The following HS3ST1 variants were observed in gnomAD, a reference collection of about 807,000 sequenced individuals.
HS3ST1 encodes heparan sulfate glucosamine 3-O-sulfotransferase 1.
HS3ST1 carries 8 observed loss-of-function variants against 20.7 expected under a neutral mutation model. The observed-to-expected ratio is 0.39, with a 90% CI of 0.23 to 0.70. The LOEUF is 0.70. HS3ST1 is among the 30% of genes least tolerant of loss of function. HS3ST1 has a pLI of 0.46. For missense variants in HS3ST1, 436 were observed against 423.4 expected (o/e 1.03, Z -0.26); for synonymous variants, 205 against 190.4 (o/e 1.08, Z -0.63).
At chr4:11,404,311 A>G (rs535056237) in intron 1 of HS3ST1, among the ~76,000 whole-genome samples, 106 of 152,298 alleles carry the variant, frequency 7.0e-4, no homozygotes, top group African/African-American at 2.5e-3. Flanking sequence ...CGGTCTCCCA[A>G]AGTGCTTGGA....
chr4:11,429,904 A>G (rs1362787143), upstream of HS3ST1: 3 of 151,938 alleles, frequency 2.0e-5, no homozygotes. Flanking sequence ...CAGGTCAGCA[A>G]TCATACCCCG....
upstream of HS3ST1, among the ~76,000 whole-genome samples, chr4:11,432,782 G>A (rs894603495): frequency 2.0e-5 from 3 of 152,280 alleles, no homozygotes; most frequent in East Asian, 1.9e-4. Context: ...AGAGCAGTCC[G>A]CTAGTGAGAG....
At chr4:11,427,865 C>G (rs184960833) in intron 1 of HS3ST1, among the ~76,000 whole-genome samples, 1 of 152,236 alleles carries the variant, frequency 6.6e-6, no homozygotes, top group Non-Finnish European at 1.5e-5. Flanking sequence ...TCCTCCGCTT[C>G]CTGGGACAGG....
Position 11,396,515 on chromosome 4 carries a change from C to T in HS3ST1, c.*2567G>A, listed in dbSNP as rs1213133489. On this transcript the variant is annotated 3_prime_UTR_variant, in exon 2 of 2. Coordinates refer to ENST00000002596, the MANE Select transcript of HS3ST1 (RefSeq NM_005114.4). ...GGTAGAAGGCATGTTTTGGAGGGAC[C>T]GGGTGCTATTAGGCTCCTGAGTCAC... 3 of 152,202 alleles carry T rather than the reference C, an allele frequency of 2.0e-5. No homozygotes were observed. The highest frequency in any genetic ancestry group is 4.4e-5 in the Non-Finnish European group (3 of 68,072). The allele number at this position is 152,202 out of a possible 1,614,324, so 9.4% of individuals were successfully genotyped here.
chr4:11,401,827 A>G (rs1207414091), intron 1 of HS3ST1, among the ~76,000 whole-genome samples: 1 of 152,246 alleles, frequency 6.6e-6, no homozygotes, highest in African/African-American at 2.4e-5. Context: ...AGTAAAGGAC[A>G]CAGGAACTGC....
chr4:11,406,652 G>A (rs1177081935), intron 1 of HS3ST1, among the ~76,000 whole-genome samples: 41 of 152,162 alleles, frequency 2.7e-4, no homozygotes, highest in Non-Finnish European at 4.4e-5. Context: ...TGTCCCCTTT[G>A]AATGGTGATG....
chr4:11,429,403 C>T (rs1719156610), upstream of HS3ST1: 1 of 152,350 alleles, frequency 6.6e-6, no homozygotes, highest in South Asian at 2.1e-4. Flanking sequence ...CATGCGTATT[C>T]CCTTCCTGGC....
At chr4:11,403,730 T>C (rs1032543778) in intron 1 of HS3ST1, among the ~76,000 whole-genome samples, 3 of 152,158 alleles carry the variant, frequency 2.0e-5, no homozygotes, top group African/African-American at 7.2e-5. Context: ...TAGTACAGGG[T>C]CAAACTTGCT....
chr4:11,433,828 G>T (rs1017813712), upstream of HS3ST1, among the ~76,000 whole-genome samples: 5 of 152,188 alleles, frequency 3.3e-5, no homozygotes, highest in Admixed American at 3.3e-4. Context: ...GCTCACAGAT[G>T]TGCATTAACA....
intron 1 of HS3ST1, among the ~76,000 whole-genome samples, chr4:11,412,077 C>T (rs1178945403): frequency 6.6e-6 from 1 of 152,204 alleles, no homozygotes; most frequent in Non-Finnish European, 1.5e-5. Context: ...AACCGTCAGA[C>T]TTCCATATCC....
At position 11,416,287 on chromosome 4, in the gene HS3ST1, C is replaced by G. The variant is rs1072191; in HGVS notation, c.-109+12412G>C. 9.9e-3 allele frequency among the ~76,000 whole-genome samples: 1,508 copies of G among 152,280 alleles called. 21 individuals carry two copies. Among genetic ancestry groups the G allele is most frequent in the African/African-American group, 0.035 (1,457 of 41,536 alleles). ...GACCAAATGCCCCTCCTTTCATCGC[C>G]CCTCACCACATAAATCCATATTTCA... is the stretch of plus-strand genomic sequence containing the variant. On this transcript the variant is annotated intron_variant, in intron 1 of 1. Transcript: ENST00000002596.
intron 1 of HS3ST1, among the ~76,000 whole-genome samples, chr4:11,406,866 T>C (rs2108882937): frequency 6.6e-6 from 1 of 152,354 alleles, no homozygotes; most frequent in East Asian, 1.9e-4. Context: ...CTTTTTTTTT[T>C]TTAATCTACC....
At chr4:11,419,130 C>T (rs1174312945) in intron 1 of HS3ST1, among the ~76,000 whole-genome samples, 1 of 151,668 alleles carries the variant, frequency 6.6e-6, no homozygotes, top group African/African-American at 2.4e-5. Flanking sequence ...TCTTTTCTCT[C>T]TTGTCCTGTA....
intron 1 of HS3ST1, among the ~76,000 whole-genome samples, chr4:11,414,353 A>G (rs34741896): frequency 0.05 from 7,610 of 152,168 alleles, 266 homozygotes; most frequent in Non-Finnish European, 0.075. Flanking sequence ...GGTTGTTCCA[A>G]TGATGAACTG....
intron 1 of HS3ST1, among the ~76,000 whole-genome samples, chr4:11,403,035 A>G (rs926653592): frequency 2.0e-5 from 3 of 152,234 alleles, no homozygotes; most frequent in African/African-American, 7.2e-5. Context: ...TTTGAGGCTA[A>G]TAGAGAAAGA....
At chr4:11,401,364 T>TTTTA (rs1553856202) in intron 1 of HS3ST1, among the ~76,000 whole-genome samples, 7 of 151,460 alleles carry the variant, frequency 4.6e-5, no homozygotes, top group African/African-American at 1.5e-4. Flanking sequence ...TTTTTTTTTT[T>TTTTA]ATGGAGTTTT....
chr4:11,399,832 G>T lies in HS3ST1; in HGVS notation c.174C>A (p.Ile58=). The change falls in exon 2 of 2, where the codon ATC becomes ATA. Residue 58 remains isoleucine (I), a synonymous_variant. Transcript: ENST00000002596. This position sits in a 1 kb window ranked among gnomAD's most constrained non-coding sequence, Gnocchi z 5.1. Reference sequence around the variant, plus strand: ...TGCCGCCCTTGCGCACGCCGATGATGATGGTCTGCGGCAACTGCTGGGCAG... The same window carrying T: ...TGCCGCCCTTGCGCACGCCGATGATTATGGTCTGCGGCAACTGCTGGGCAG... ...NGSAQQLPQT[I]IIGVRKGGTR... 6.2e-7 allele frequency: 1 copy of T among 1,612,952 alleles called. No homozygotes were observed. The highest frequency in any genetic ancestry group is 1.6e-4 in the Middle Eastern group (1 of 6,062).
chr4:11,432,300 T>A (rs1719220685), upstream of HS3ST1, among the ~76,000 whole-genome samples: 1 of 152,190 alleles, frequency 6.6e-6, no homozygotes, highest in East Asian at 1.9e-4. Context: ...TTTCTTCCCA[T>A]CATGGCTGTT....
rs1483731616 is a variant in HS3ST1, at chr4:11,399,823, G to A, written c.183C>T (p.Gly61=). The change falls in exon 2 of 2, where the codon GGC becomes GGT. Residue 61 remains glycine, a synonymous_variant. Transcript: ENST00000002596. This position sits in a 1 kb window ranked among gnomAD's most constrained non-coding sequence, Gnocchi z 5.1. Reference sequence around the variant, plus strand: ...GTGCGCGCGTGCCGCCCTTGCGCACGCCGATGATGATGGTCTGCGGCAACT... The same window carrying A: ...GTGCGCGCGTGCCGCCCTTGCGCACACCGATGATGATGGTCTGCGGCAACT... ...AQQLPQTIII[G]VRKGGTRALL... is the part of the protein sequence containing the mutation. 7 of 1,612,686 alleles carry A rather than the reference G, an allele frequency of 4.3e-6. No individual in the cohort carries two copies. Among genetic ancestry groups the A allele is most frequent in the Admixed American group, 1.7e-5 (1 of 59,982 alleles).
Sources: allele counts gnomAD v4.1 joint callset (sites outside exome capture counted in the v4.1 genomes callset), GRCh38; gene constraint gnomAD v4.1.1; non-coding constraint Gnocchi (gnomAD v3.1); transcripts MANE v1.5; gene names NCBI Gene and HGNC (gene_info 2026-07-23, HGNC 2026-07-21).